Variants in FHIT observed in about 807,000 individuals in gnomAD.
FHIT encodes bis(5'-adenosyl)-triphosphatase.
FHIT carries 19 observed loss-of-function variants against 17.9 expected under a neutral mutation model. The ratio of observed to expected loss-of-function variants is 1.06; its 90% CI spans 0.74 to 1.56. The LOEUF (loss-of-function observed/expected upper bound fraction) is 1.56, where lower values mean the gene tolerates loss of function less well. Ranked by LOEUF, FHIT falls within the 40% of genes most tolerant of loss-of-function variation. The pLI, the probability that FHIT is intolerant of heterozygous loss-of-function variation, is 0.00. For missense variants in FHIT, 248 were observed against 189.2 expected, an observed-to-expected ratio of 1.31 and a Z score of -1.82; for synonymous variants, 81 against 69.7, an observed-to-expected ratio of 1.16 and a Z score of -0.81.
intron 7 of FHIT, among the ~76,000 whole-genome samples, chr3:59,927,091 A>G (rs1056135804): frequency 3.3e-5 from 5 of 152,230 alleles, no homozygotes; most frequent in Middle Eastern, 3.4e-3. Flanking sequence ...CAACTGATCA[A>G]TGGTAAACAA....
At chr3:60,328,781 G>C (rs969312658) in intron 5 of FHIT, among the ~76,000 whole-genome samples, 1 of 152,178 alleles carries the variant, frequency 6.6e-6, no homozygotes, top group African/African-American at 2.4e-5. Context: ...AATGTGTCTT[G>C]ATTAATGCTG....
At chr3:60,817,911 C>G (rs1701795355) in intron 4 of FHIT, among the ~76,000 whole-genome samples, 1 of 152,018 alleles carries the variant, frequency 6.6e-6, no homozygotes, top group Non-Finnish European at 1.5e-5. Flanking sequence ...ACACAGGTCC[C>G]TGAGTCTCTG....
At chr3:60,509,630 G>T (rs983297241) in intron 5 of FHIT, among the ~76,000 whole-genome samples, 1 of 151,642 alleles carries the variant, frequency 6.6e-6, no homozygotes, top group Non-Finnish European at 1.5e-5. Context: ...TTTGCTATTC[G>T]CAAGTGACAG....
chr3:60,750,475 C>G (rs2042444051), intron 4 of FHIT, among the ~76,000 whole-genome samples: 1 of 152,130 alleles, frequency 6.6e-6, no homozygotes, highest in East Asian at 1.9e-4. Context: ...GGGAGCAAGT[C>G]TTTCCTGCAC....
intron 5 of FHIT, among the ~76,000 whole-genome samples, chr3:60,190,356 G>C (rs77958761): frequency 3.2e-5 from 4 of 126,662 alleles, no homozygotes; most frequent in African/African-American, 1.2e-4. Context: ...GATGAGACCA[G>C]AAAAAAAAAA....
chr3:60,551,480 G>A (rs1362690147), intron 4 of FHIT, among the ~76,000 whole-genome samples: 1 of 18,202 alleles, frequency 5.5e-5, no homozygotes, highest in Non-Finnish European at 1.0e-4. Flanking sequence ...AACAGAGAGA[G>A]GGTAGGGGAG....
At chr3:60,728,605 T>G (rs1276968340) in intron 4 of FHIT, among the ~76,000 whole-genome samples, 2 of 151,994 alleles carry the variant, frequency 1.3e-5, no homozygotes, top group African/African-American at 4.8e-5. Context: ...TAAAAAAAAT[T>G]GTTTATTGTT....
At chr3:60,336,256 AT>A (rs1269250177) in intron 5 of FHIT, among the ~76,000 whole-genome samples, 1 of 152,202 alleles carries the variant, frequency 6.6e-6, no homozygotes, top group Non-Finnish European at 1.5e-5. Flanking sequence ...AAGCACTCAC[AT>A]TTTGCTGATT....
intron 5 of FHIT, among the ~76,000 whole-genome samples, chr3:60,438,327 T>A (rs2030464708): frequency 6.6e-6 from 1 of 152,094 alleles, no homozygotes; most frequent in African/African-American, 2.4e-5. Context: ...GTACAGCTAC[T>A]GCACATGTGC....
At chr3:60,117,494 TAAA>T (rs34113926) in intron 5 of FHIT, among the ~76,000 whole-genome samples, 12,279 of 86,338 alleles carry the variant, frequency 0.14, 722 homozygotes, top group East Asian at 0.37. Flanking sequence ...ACTTCCTATC[TAAA>T]AAAAAAAAAA....
At chr3:60,535,666 A>C (rs1334647264) in intron 5 of FHIT, 1 of 152,066 alleles carries the variant, frequency 6.6e-6, no homozygotes, top group Non-Finnish European at 1.5e-5. Context: ...TTAAATATTA[A>C]GAAAAGCTTA....
At chr3:61,212,204 G>A (rs897000294) in intron 1 of FHIT, among the ~76,000 whole-genome samples, 7 of 152,164 alleles carry the variant, frequency 4.6e-5, no homozygotes, top group African/African-American at 9.7e-5. Context: ...AAACTACTCC[G>A]AGCTAAAGGA....
intron 4 of FHIT, among the ~76,000 whole-genome samples, chr3:60,776,328 T>G (rs1299431375): frequency 6.6e-6 from 1 of 152,214 alleles, no homozygotes; most frequent in Non-Finnish European, 1.5e-5. Flanking sequence ...TCAAGAGAAC[T>G]CTAATTAATA....
intron 8 of FHIT, among the ~76,000 whole-genome samples, chr3:59,806,256 G>A (rs1700192172): frequency 6.6e-6 from 1 of 151,894 alleles, no homozygotes; most frequent in Non-Finnish European, 1.5e-5. Context: ...CATGTGTTAT[G>A]TGGCAAGAGG....
chr3:60,464,449 T>C (rs930780364), intron 5 of FHIT, among the ~76,000 whole-genome samples: 1 of 152,126 alleles, frequency 6.6e-6, no homozygotes, highest in Admixed American at 6.6e-5. Context: ...TATCAAATAC[T>C]AGATCTTATA....
chr3:60,723,694 T>C (rs1186312636), intron 4 of FHIT, among the ~76,000 whole-genome samples: 2 of 152,236 alleles, frequency 1.3e-5, no homozygotes, highest in Non-Finnish European at 2.9e-5. Context: ...GATTTTACTT[T>C]GTGTTCTTTC....
chr3:60,383,207 G>T (rs1001893432), intron 5 of FHIT, among the ~76,000 whole-genome samples: 1 of 152,190 alleles, frequency 6.6e-6, no homozygotes. Flanking sequence ...TCCTAAAGCT[G>T]TAATGAGGTC....
At chr3:60,825,828 A>G (rs573557460) in intron 3 of FHIT, among the ~76,000 whole-genome samples, 12 of 152,324 alleles carry the variant, frequency 7.9e-5, no homozygotes, top group Non-Finnish European at 1.5e-4. Flanking sequence ...ATACACATAT[A>G]TGTATGTAAA....
rs560155548 is a variant in FHIT, at chr3:60,757,038, C to CA, written c.-18+64880dup. Among the ~76,000 whole-genome samples the CA allele has an allele frequency of 5.5e-4, 82 of 150,278 alleles. No homozygotes were observed. The South Asian group carries it at 9.9e-3, about 18-fold the overall frequency. On this transcript the variant is annotated intron_variant, in intron 4 of 9. Coordinates refer to ENST00000492590, the MANE Select transcript of FHIT (RefSeq NM_002012.4). ...CAAAAACAAAACAAACAAACAACAG[C>CA]AAAAAAAAATCAGCCAGAGCTGTAG...
Sources: allele counts gnomAD v4.1 joint callset (sites outside exome capture counted in the v4.1 genomes callset), GRCh38; gene constraint gnomAD v4.1.1; transcripts MANE v1.5; gene names NCBI Gene and HGNC (gene_info 2026-07-23, HGNC 2026-07-21).